Variants in CAPN14 observed in about 807,000 individuals in gnomAD.
The protein encoded by CAPN14 is calpain 14.
In CAPN14, 94 loss-of-function variants were observed where a neutral mutation model predicts 101.3. That is an observed-to-expected ratio of 0.93 (90% CI 0.79 to 1.10). The LOEUF is 1.10. CAPN14 is among the 50% of genes least tolerant of loss of function. The probability of loss-of-function intolerance (pLI) is 0.00; values close to 1 mark genes in which losing one functional copy is unlikely to be tolerated. For synonymous variants in CAPN14, 338 were observed against 317.9 expected (o/e 1.06, Z -0.67); for missense variants, 837 against 828.4 (o/e 1.01, Z -0.13).
At position 31,190,137 on chromosome 2, in the gene CAPN14, T is replaced by TTCTCTC. The variant is rs3031867; in HGVS notation, c.1288-665_1288-660dup. Among the ~76,000 whole-genome samples, 1,160 of 142,708 alleles carry TTCTCTC rather than the reference T, an allele frequency of 8.1e-3. 22 individuals carry two copies. The highest frequency in any genetic ancestry group is 0.022 in the African/African-American group (833 of 37,190). The allele number at this position is 142,708 out of a possible 152,430, so 93.6% of individuals were successfully genotyped here. A position where few individuals can be genotyped will look rare whatever the true frequency, so the allele number is the denominator to read the frequency against. ...GGGTATCTGCTTTATCTGATTCATATTCTCTCTCTCTCTCTCTCTCTCTCT... is the reference window on the plus strand; with the variant it reads ...GGGTATCTGCTTTATCTGATTCATATTCTCTCTCTCTCTCTCTCTCTCTCTCTCTCT... On this transcript the variant is annotated intron_variant, in intron 12 of 21. Transcript: ENST00000403897.
intron 17 of CAPN14, among the ~76,000 whole-genome samples, chr2:31,179,168 C>T (rs1351625458): frequency 6.6e-6 from 1 of 150,596 alleles, no homozygotes; most frequent in Non-Finnish European, 1.5e-5. Flanking sequence ...GTTTGCTGCA[C>T]CCATTAACTC....
At position 31,199,535 on chromosome 2, in the gene CAPN14, G is replaced by T. The variant is rs1214382180; in HGVS notation, c.727-3C>A. 5 of 1,551,026 alleles carry T rather than the reference G, an allele frequency of 3.2e-6. No homozygotes were observed. Among genetic ancestry groups the T allele is most frequent in the Admixed American group, 2.0e-5 (1 of 50,918 alleles). ...AGCCCATTCTCCAGAATCTTCTCCTGCAGAGACAAGAGAGGTCCTGATCAG... is the reference window on the plus strand; with the variant it reads ...AGCCCATTCTCCAGAATCTTCTCCTTCAGAGACAAGAGAGGTCCTGATCAG... On this transcript the variant is annotated splice_polypyrimidine_tract_variant and splice_region_variant and intron_variant, in intron 6 of 21. Coordinates refer to ENST00000403897, the MANE Select transcript of CAPN14 (RefSeq NM_001145122.2).
chr2:31,191,967 G>A lies in CAPN14; in HGVS notation c.1246C>T (p.Pro416Ser). 6.4e-7 allele frequency: 1 copy of A among 1,551,480 alleles called. No individual in the cohort carries two copies. Among genetic ancestry groups the A allele is most frequent in the Non-Finnish European group, 8.7e-7 (1 of 1,146,900 alleles). Residue 416 changes from proline to serine, a missense_variant, in exon 11 of 22, where the codon CCT (proline) becomes TCT (serine). Physicochemically the swap from Pro to Ser is moderately conservative, Grantham distance 74. Coordinates refer to ENST00000403897, the MANE Select transcript of CAPN14 (RefSeq NM_001145122.2). Reference protein sequence around the residue: ...KPRHRCRKRKPLLAIGFYLYR... With the variant: ...KPRHRCRKRKSLLAIGFYLYR... ...AGGTAGAAGCCAATGGCGAGGAGAG[G>A]CTTCCGCTTGCGGCACCTGTGCCTG...
chr2:31,207,653 G>A (rs1187238480), intron 1 of CAPN14, among the ~76,000 whole-genome samples: 1 of 152,112 alleles, frequency 6.6e-6, no homozygotes, highest in East Asian at 1.9e-4. Context: ...TGTAATCTTA[G>A]CTACTTGGGA....
At chr2:31,183,548 A>G (rs1042865136) in intron 16 of CAPN14, among the ~76,000 whole-genome samples, 13 of 152,176 alleles carry the variant, frequency 8.5e-5, no homozygotes, top group African/African-American at 2.7e-4. Context: ...ACACTTCTCA[A>G]AAGAAGACAT....
chr2:31,180,320 G>GT (rs1428766218), intron 17 of CAPN14, among the ~76,000 whole-genome samples: 2 of 152,168 alleles, frequency 1.3e-5, no homozygotes, highest in African/African-American at 4.8e-5. Context: ...TCTGCAGACT[G>GT]TTTTTGTCTT....
In CAPN14 at chr2:31,186,441, C is replaced by G; in HGVS notation, c.1632G>C (p.Gln544His). 2.6e-6 allele frequency: 4 copies of G among 1,549,158 alleles called. No homozygotes were observed. The highest frequency in any genetic ancestry group is 3.5e-6 in the Non-Finnish European group (4 of 1,146,058). Residue 544 changes from glutamine to histidine, a missense_variant, in exon 16 of 22, where the codon CAG (glutamine) becomes CAC (histidine). Gln to His is a conservative substitution (Grantham distance 24, BLOSUM62 0). Transcript: ENST00000403897. ...NAVQLQNLLNQMTWSSLGSRQ... is the reference protein window; with the variant it reads ...NAVQLQNLLNHMTWSSLGSRQ... ...TAAAACACTTACTTGACCAGGTCAT[C>G]TGGTTCAGGAGGTTCTGAAGTTGAA...
rs1159908731 is a variant in CAPN14 at position 31,200,597 on chromosome 2, A to G, written c.580T>C (p.Ser194Pro). 1 of 1,550,842 alleles carries G rather than the reference A, an allele frequency of 6.4e-7. No homozygotes were observed. The highest frequency in any genetic ancestry group is 1.4e-5 in the African/African-American group (1 of 73,014). ...KLSGSYEDLQ[S>P]GQVSEALVDF... ...ACAAGGGCTTCAGACACCTGTCCTG[A>G]CTGCAAGTCTTCATAGGAACCAGAG... The change falls in exon 6 of 22, where the codon TCA becomes CCA. Residue 194 changes from serine (S) to proline (P), a missense_variant. Physicochemically the swap from Ser to Pro is moderately conservative, Grantham distance 74. Transcript: ENST00000403897.
chr2:31,200,262 C>T (rs1013609409), intron 6 of CAPN14, among the ~76,000 whole-genome samples, 189 bp downstream of exon 6: 4 of 152,326 alleles, frequency 2.6e-5, no homozygotes, highest in East Asian at 1.9e-4. Flanking sequence ...ACCTGGGCCT[C>T]CCAAAGTGCT....
At chr2:31,206,576 T>C (rs1191330077) in intron 1 of CAPN14, among the ~76,000 whole-genome samples, 1 of 152,136 alleles carries the variant, frequency 6.6e-6, no homozygotes, top group African/African-American at 2.4e-5. Flanking sequence ...TACAAAGAAA[T>C]CCTTCCTTGA....
At chr2:31,179,234 CT>C (rs1263748149) in intron 17 of CAPN14, among the ~76,000 whole-genome samples, 4 of 151,354 alleles carry the variant, frequency 2.6e-5, no homozygotes, top group Non-Finnish European at 5.9e-5. Context: ...CCCCCACCCC[CT>C]GACAGGTCCC....
upstream of CAPN14, among the ~76,000 whole-genome samples, chr2:31,218,762 G>A (rs1682763277): frequency 6.6e-6 from 1 of 152,182 alleles, no homozygotes; most frequent in African/African-American, 2.4e-5. Context: ...AAGTCCCAGG[G>A]TGTCAGGTTC....
intron 16 of CAPN14, among the ~76,000 whole-genome samples, chr2:31,181,777 G>T (rs1462558141): frequency 1.4e-5 from 2 of 144,662 alleles, no homozygotes; most frequent in African/African-American, 5.2e-5. Flanking sequence ...GTGGTGTTTG[G>T]TTTTTTGTCC....
intron 1 of CAPN14, among the ~76,000 whole-genome samples, chr2:31,229,887 TG>T (rs1227126483): frequency 1.3e-5 from 2 of 152,148 alleles, no homozygotes; most frequent in Non-Finnish European, 2.9e-5. Flanking sequence ...CAACAGATAG[TG>T]GTTTTTGCAT....
chr2:31,193,832 G>A (rs1261844904), intron 9 of CAPN14, among the ~76,000 whole-genome samples: 2 of 152,204 alleles, frequency 1.3e-5, no homozygotes, highest in African/African-American at 4.8e-5. Context: ...GGCGGTGGCA[G>A]GCTGTACTGG....
At position 31,203,070 on chromosome 2, in the gene CAPN14, C is replaced by T. The variant is rs1424091360; in HGVS notation, c.295G>A (p.Gly99Arg). 3 of 1,551,410 alleles carry T rather than the reference C, an allele frequency of 1.9e-6. No homozygotes were observed. The highest frequency in any genetic ancestry group is 2.6e-6 in the Non-Finnish European group (3 of 1,146,774). Reference protein sequence around the residue: ...KRLDLCQGIVGDCWFLAALQA... With the variant: ...KRLDLCQGIVRDCWFLAALQA... ...GTCTCTCGGGGCTGTGCAAACTTAC[C>T]TACTATCCCCTGGCACAGATCCAGC... The change falls in exon 3 of 22, where the codon GGA becomes AGA. Residue 99 changes from glycine to arginine, a missense_variant and splice_region_variant. Transcript: ENST00000403897.
At chr2:31,200,828 T>A (rs892533244) in intron 5 of CAPN14, among the ~76,000 whole-genome samples, 5 of 152,152 alleles carry the variant, frequency 3.3e-5, no homozygotes, top group African/African-American at 1.2e-4. Context: ...TAGAGGCATC[T>A]CTCCTGCCTA....
chr2:31,193,335 A>T (rs938870574), intron 9 of CAPN14, 41 bp from the exon 10 acceptor site: 1 of 1,544,620 alleles, frequency 6.5e-7, no homozygotes, highest in African/African-American at 1.4e-5. Flanking sequence ...GATGGACCAG[A>T]TAACGCCTAG....
upstream of CAPN14, among the ~76,000 whole-genome samples, chr2:31,220,249 T>C (rs1682822082): frequency 6.6e-6 from 1 of 152,202 alleles, no homozygotes; most frequent in South Asian, 2.1e-4. Context: ...AAATAATGAC[T>C]GCTCCAAGGT....
Sources: gnomAD v4.1 joint callset for allele counts (sites outside exome capture counted in the v4.1 genomes callset) on GRCh38, gnomAD v4.1.1 for gene constraint, MANE v1.5 for transcripts, NCBI Gene and HGNC (gene_info 2026-07-23, HGNC 2026-07-21) for gene names.